SATB2: variants seen among roughly 807,000 people sequenced by gnomAD.
The protein encoded by SATB2 is DNA-binding protein SATB2.
A neutral mutation model predicts 73.4 loss-of-function variants in SATB2; 1 was observed. The observed-to-expected ratio is 0.01, with a 90% CI of 0.00 to 0.06. The LOEUF (loss-of-function observed/expected upper bound fraction) is 0.06, where lower values mean the gene tolerates loss of function less well. Among genes scored for constraint, SATB2 ranks in the 10% least tolerant of loss-of-function variants. The pLI is 1.00. For synonymous variants in SATB2, 397 were observed against 367.0 expected (o/e 1.08, Z -0.93); for missense variants, 459 against 945.8 (o/e 0.49, Z 6.75).
At chr2:199,460,743 G>T (rs1692456898), upstream of SATB2, among the ~76,000 whole-genome samples, 1 of 152,150 alleles carries the variant, frequency 6.6e-6, no homozygotes, top group African/African-American at 2.4e-5. This position sits in a 1 kb window ranked among gnomAD's most constrained non-coding sequence, Gnocchi z 4.0. Context: ...TGATTTGCAG[G>T]ACTTCAGTTA....
Position 199,400,220 on chromosome 2 carries a change from A to G in SATB2, c.347-18400T>C, listed in dbSNP as rs184297617. On this transcript the variant is annotated intron_variant, in intron 3 of 10. Coordinates refer to ENST00000417098, the MANE Select transcript of SATB2 (RefSeq NM_001172509.2). ...TCATGTGAAACCTCCTTTCCCCATT[A>G]AAATGCAGGCTACTCAATAGAGCTC... Among the ~76,000 whole-genome samples, 35 of 152,328 alleles carry G rather than the reference A, an allele frequency of 2.3e-4. 1 individual carries two copies. Among genetic ancestry groups the G allele is most frequent in the African/African-American group, 7.9e-4 (33 of 41,580 alleles).
rs1026856164 is a variant in SATB2, at chr2:199,308,405, T to G, written c.1740+355A>C. The stretch of plus-strand genomic sequence containing the variant: ...TACTTCACAGGTTTTTTATAGAAAA[T>G]GAACTGATGGAAACCATGTTTTCCG... On this transcript the variant is annotated intron_variant, in intron 10 of 10. Coordinates refer to ENST00000417098, the MANE Select transcript of SATB2 (RefSeq NM_001172509.2). This position sits in a 1 kb window ranked among gnomAD's most constrained non-coding sequence, Gnocchi z 4.6. Among the ~76,000 whole-genome samples the G allele has an allele frequency of 1.3e-5, 2 of 152,144 alleles. No individual in the cohort carries two copies. Among genetic ancestry groups the G allele is most frequent in the East Asian group, 3.9e-4 (2 of 5,188 alleles).
At chr2:199,449,502 C>T (rs867227572) in intron 2 of SATB2, among the ~76,000 whole-genome samples, 2 of 152,148 alleles carry the variant, frequency 1.3e-5, no homozygotes, top group African/African-American at 2.4e-5. Context: ...GCTTACAGGG[C>T]TTGTTTCTAC....
At chr2:199,301,099 T>G (rs1483799150) in intron 10 of SATB2, among the ~76,000 whole-genome samples, 1 of 152,122 alleles carries the variant, frequency 6.6e-6, no homozygotes, top group Non-Finnish European at 1.5e-5. Context: ...TAAAAATTTA[T>G]GTTTAATATT....
chr2:199,349,741 T>A (rs2105824456), intron 6 of SATB2, among the ~76,000 whole-genome samples: 1 of 152,278 alleles, frequency 6.6e-6, no homozygotes, highest in South Asian at 2.1e-4. Context: ...CTTTAAGAAA[T>A]TGATATTTTA....
intron 3 of SATB2, among the ~76,000 whole-genome samples, chr2:199,419,918 G>A (rs1691114288): frequency 6.6e-6 from 1 of 152,036 alleles, no homozygotes; most frequent in Admixed American, 6.5e-5. Flanking sequence ...AATAAATAAA[G>A]GAAAAGAGAG....
intron 4 of SATB2, 34 bp downstream of exon 4, chr2:199,381,660 C>G (rs771599548): frequency 6.2e-7 from 1 of 1,613,262 alleles, no homozygotes; most frequent in African/African-American, 1.3e-5. Flanking sequence ...GCAGCTCTGA[C>G]AGTAAGGAAA....
Position 199,464,428 on chromosome 2 carries a change from C to T in SATB2, c.-141+408G>A, listed in dbSNP as rs529359713. Among the ~76,000 whole-genome samples, 136 of 147,972 alleles carry T rather than the reference C, an allele frequency of 9.2e-4. No homozygotes were observed. Among genetic ancestry groups the T allele is most frequent in the South Asian group, 2.1e-3 (10 of 4,820 alleles). On this transcript the variant is annotated intron_variant, in intron 1 of 11. Transcript: ENST00000260926. This position sits in a 1 kb window ranked among gnomAD's most constrained non-coding sequence, Gnocchi z 6.6. ...ACCCCCACCACCATTTCCACGCGCG[C>T]GCGCGCACACACACACACACACACA...
At chr2:199,300,969 A>C (rs1424841306) in intron 10 of SATB2, among the ~76,000 whole-genome samples, 1 of 151,944 alleles carries the variant, frequency 6.6e-6, no homozygotes, top group East Asian at 1.9e-4. Context: ...TGCTTGGCAA[A>C]AATATTAGAA....
chr2:199,411,780 A>T lies in SATB2; in HGVS notation c.346+21558T>A, dbSNP rs556118239. On this transcript the variant is annotated intron_variant, in intron 3 of 10. Transcript: ENST00000417098. The stretch of plus-strand genomic sequence containing the variant: ...GAACAGGGAGAAAAGAGATAAGTAA[A>T]CAGATAAATGATAACCCACTGTGTT... 1.8e-4 allele frequency among the ~76,000 whole-genome samples: 27 copies of T among 152,336 alleles called. 1 individual carries two copies. The highest frequency in any genetic ancestry group is 1.2e-3 in the Admixed American group (19 of 15,294).
chr2:199,304,406 G>T (rs1474837087), intron 10 of SATB2, among the ~76,000 whole-genome samples: 1 of 151,730 alleles, frequency 6.6e-6, no homozygotes, highest in Admixed American at 6.6e-5. Flanking sequence ...TCTCTCCTCT[G>T]TGCTATCTAC....
intron 10 of SATB2, among the ~76,000 whole-genome samples, chr2:199,299,188 G>T (rs983026595): frequency 6.6e-6 from 1 of 152,172 alleles, no homozygotes; most frequent in Non-Finnish European, 1.5e-5. Context: ...TGGTCAGGGA[G>T]AAATTAGGGT....
chr2:199,275,916 A>G (rs1427303035), intron 10 of SATB2, among the ~76,000 whole-genome samples: 2 of 152,184 alleles, frequency 1.3e-5, no homozygotes, highest in Non-Finnish European at 2.9e-5. Context: ...TTTGGCTATA[A>G]GTCCCTTTCA....
At chr2:199,279,778 A>AT (rs1328929626) in intron 10 of SATB2, among the ~76,000 whole-genome samples, 1 of 152,168 alleles carries the variant, frequency 6.6e-6, no homozygotes, top group East Asian at 1.9e-4. Flanking sequence ...ATTTTACCTC[A>AT]TTTTTTAGAA....
chr2:199,379,685 T>TTC (rs201004152), intron 5 of SATB2, among the ~76,000 whole-genome samples: 41 of 134,126 alleles, frequency 3.1e-4, no homozygotes, highest in African/African-American at 6.4e-4. Context: ...TTCTTTTCTT[T>TTC]TTTTTTTTTT....
intron 2 of SATB2, among the ~76,000 whole-genome samples, chr2:199,443,552 A>G (rs925825073): frequency 3.2e-4 from 49 of 152,104 alleles, no homozygotes; most frequent in African/African-American, 1.1e-3. Flanking sequence ...AAAAAAAAAA[A>G]AAAAGGCTTT....
At chr2:199,293,992 C>T (rs1692950283) in intron 10 of SATB2, among the ~76,000 whole-genome samples, 1 of 151,816 alleles carries the variant, frequency 6.6e-6, no homozygotes, top group African/African-American at 2.4e-5. Flanking sequence ...ATTTTTAATG[C>T]TCCCCCCCAA....
intron 3 of SATB2, among the ~76,000 whole-genome samples, chr2:199,422,024 A>G (rs1257612759): frequency 1.3e-5 from 2 of 152,204 alleles, no homozygotes; most frequent in East Asian, 3.8e-4. Flanking sequence ...CCTTCCATTA[A>G]TAGATAATCA....
intron 9 of SATB2, among the ~76,000 whole-genome samples, chr2:199,315,187 C>G (rs1687696742): frequency 6.6e-6 from 1 of 151,930 alleles, no homozygotes; most frequent in Non-Finnish European, 1.5e-5. Context: ...TGTATATATG[C>G]ATGTATTTCT....
Sources: gnomAD v4.1 joint callset for allele counts (sites outside exome capture counted in the v4.1 genomes callset) on GRCh38, gnomAD v4.1.1 for gene constraint, Gnocchi (gnomAD v3.1) non-coding constraint, MANE v1.5 for transcripts, NCBI Gene and HGNC (gene_info 2026-07-23, HGNC 2026-07-21) for gene names.